ADAD1: variants seen among roughly 807,000 people sequenced by gnomAD.
The protein encoded by ADAD1 is adenosine deaminase domain-containing protein 1.
ADAD1 carries 46 observed loss-of-function variants against 66.8 expected under a neutral mutation model. That is an observed-to-expected ratio of 0.69 (90% CI 0.54 to 0.88). The LOEUF is 0.88. ADAD1 is among the 40% of genes least tolerant of loss of function. The pLI, the probability that ADAD1 is intolerant of heterozygous loss-of-function variation, is 0.00. For synonymous variants in ADAD1, 248 were observed against 229.4 expected (o/e 1.08, Z -0.73); for missense variants, 617 against 681.8 (o/e 0.91, Z 1.06).
In ADAD1 at chr4:122,429,761, T is replaced by A. The variant is rs1005302407; in HGVS notation, c.*22T>A. 4.7e-6 allele frequency: 7 copies of A among 1,503,050 alleles called. No homozygotes were observed. Among genetic ancestry groups the A allele is most frequent in the Non-Finnish European group, 4.6e-6 (5 of 1,089,454 alleles). The allele number at this position is 1,503,050 out of a possible 1,614,324, so 93.1% of individuals were successfully genotyped here. On this transcript the variant is annotated 3_prime_UTR_variant, in exon 13 of 13. Transcript: ENST00000296513. ...GTGAAATAGGCAATCCATTATCACA[T>A]TAAAAATCTTGTTTTGTTTGGTGTG...
Position 122,415,554 on chromosome 4 carries a change from T to C in ADAD1, c.1425T>C (p.Asn475=), listed in dbSNP as rs1796692515. Reference sequence around the variant, plus strand: ...TGGAATATAAATTTCTGAGTCTGAATTGGGCACAAGGAGATGTTTCTTTGG... The same window carrying C: ...TGGAATATAAATTTCTGAGTCTGAACTGGGCACAAGGAGATGTTTCTTTGG... ...MNLEYKFLSL[N]WAQGDVSLEI... is the part of the protein sequence containing the mutation. The change falls in exon 11 of 13, where the codon AAT becomes AAC. Residue 475 remains asparagine (N), a synonymous_variant. Transcript: ENST00000296513. 4 of 1,613,816 alleles carry C rather than the reference T, an allele frequency of 2.5e-6. No homozygotes were observed. Among genetic ancestry groups the C allele is most frequent in the Admixed American group, 1.7e-5 (1 of 59,996 alleles).
chr4:122,415,904 AC>A (rs1350396325), intron 11 of ADAD1, among the ~76,000 whole-genome samples: 1 of 152,136 alleles, frequency 6.6e-6, no homozygotes, highest in Non-Finnish European at 1.5e-5. Context: ...TGGCTCCATA[AC>A]GTATGTTTCT....
At chr4:122,394,135 A>G (rs1300975366) in intron 6 of ADAD1, among the ~76,000 whole-genome samples, 1 of 152,190 alleles carries the variant, frequency 6.6e-6, no homozygotes, top group Non-Finnish European at 1.5e-5. Flanking sequence ...CATCTATGAG[A>G]TAGTCATTAC....
chr4:122,413,431 A>T (rs1286871850), intron 10 of ADAD1, among the ~76,000 whole-genome samples: 1 of 152,166 alleles, frequency 6.6e-6, no homozygotes, highest in East Asian at 1.9e-4. Context: ...AGTAATCTGG[A>T]AAAAAATTCT....
At chr4:122,380,333 G>C in intron 3 of ADAD1, 92 bp downstream of exon 3, 2 of 1,451,538 alleles carry the variant, frequency 1.4e-6, no homozygotes, top group Non-Finnish European at 1.9e-6. Flanking sequence ...TAAAGGTTTC[G>C]TGGTTGTATA....
Position 122,412,659 on chromosome 4 carries a change from T to C in ADAD1, c.1099T>C (p.Tyr367His). ...CLHVAVEGKIYLTVYCPKDGV... is the reference protein window; with the variant it reads ...CLHVAVEGKIHLTVYCPKDGV... ...CCACGTGGCTGTTGAAGGCAAAATT[T>C]ATCTGACTGTTTACTGTCCTAAAGA... is the stretch of plus-strand genomic sequence containing the variant. Residue 367 changes from tyrosine to histidine, a missense_variant, in exon 10 of 13, where the codon TAT (tyrosine) becomes CAT (histidine). Physicochemically the swap from Tyr to His is moderately conservative, Grantham distance 83 (BLOSUM62 2). Coordinates refer to ENST00000296513, the MANE Select transcript of ADAD1 (RefSeq NM_139243.4). 6.2e-7 allele frequency: 1 copy of C among 1,613,940 alleles called. No individual in the cohort carries two copies. Among genetic ancestry groups the C allele is most frequent in the Non-Finnish European group, 8.5e-7 (1 of 1,179,816 alleles).
At chr4:122,393,054 T>TG (rs397762591) in intron 5 of ADAD1, among the ~76,000 whole-genome samples, 2 of 133,784 alleles carry the variant, frequency 1.5e-5, no homozygotes, top group African/African-American at 2.5e-5. Context: ...TTTTTTTTTT[T>TG]GTCCCTCAGG....
At chr4:122,396,117 G>T (rs2150554037) in intron 6 of ADAD1, 135 bp from the exon 7 acceptor site, 1 of 672,688 alleles carries the variant, frequency 1.5e-6, no homozygotes. Context: ...TCTCAGTCAT[G>T]ACCTAAATTA....
chr4:122,423,542 G>A (rs899015357), intron 12 of ADAD1, among the ~76,000 whole-genome samples: 1 of 152,144 alleles, frequency 6.6e-6, no homozygotes, highest in Non-Finnish European at 1.5e-5. Context: ...GTTTTACAAA[G>A]GCTTAATGTG....
In ADAD1 at chr4:122,415,467, T is replaced by G; in HGVS notation, c.1338T>G (p.Phe446Leu). Residue 446 changes from phenylalanine to leucine, a missense_variant, in exon 11 of 13, where the codon TTT becomes TTG. Physicochemically the swap from Phe to Leu is conservative, Grantham distance 22 (BLOSUM62 0). Coordinates refer to ENST00000296513, the MANE Select transcript of ADAD1 (RefSeq NM_139243.4). ...DDALTSKLPMFYLVNRPHISL... is the reference protein window; with the variant it reads ...DDALTSKLPMLYLVNRPHISL... ...CACTCACTTCAAAACTTCCAATGTT[T>G]TACTTAGTCAACAGACCTCATATTA... 3 of 1,613,966 alleles carry G rather than the reference T, an allele frequency of 1.9e-6. No individual in the cohort carries two copies. The highest frequency in any genetic ancestry group is 2.5e-6 in the Non-Finnish European group (3 of 1,179,870).
In ADAD1 at chr4:122,422,580, G is replaced by T. The variant is rs1374809450; in HGVS notation, c.1617+1190G>T. Among the ~76,000 whole-genome samples the T allele has an allele frequency of 2.0e-5, 3 of 152,154 alleles. No homozygotes were observed. In the East Asian group the frequency reaches 5.8e-4, roughly 29 times the overall value. On this transcript the variant is annotated intron_variant, in intron 12 of 12. Transcript: ENST00000296513. The stretch of plus-strand genomic sequence containing the variant: ...AACCTGTATAATTACAGCCTGTAAA[G>T]CCGTTACATTAATTACAGGTGTATG...
chr4:122,418,244 T>C (rs1214151473), intron 11 of ADAD1, among the ~76,000 whole-genome samples: 1 of 151,760 alleles, frequency 6.6e-6, no homozygotes, highest in African/African-American at 2.4e-5. Flanking sequence ...TGGATAAATT[T>C]CTAGGAAAAC....
rs191056332 is a variant in ADAD1, at chr4:122,402,686, T to C, written c.725-5222T>C. On this transcript the variant is annotated intron_variant, in intron 7 of 12. Coordinates refer to ENST00000296513, the MANE Select transcript of ADAD1 (RefSeq NM_139243.4). Reference sequence around the variant, plus strand: ...CCAAATTTCTTGGAGGCTTTGTTCATTTTTTTATATTCTGTTTTCTTTGTC... The same window carrying C: ...CCAAATTTCTTGGAGGCTTTGTTCACTTTTTTATATTCTGTTTTCTTTGTC... Among the ~76,000 whole-genome samples, 726 of 152,140 alleles carry C rather than the reference T, an allele frequency of 4.8e-3. 4 individuals are homozygous for C. Among genetic ancestry groups the C allele is most frequent in the Non-Finnish European group, 7.4e-3 (502 of 67,998 alleles).
chr4:122,414,358 A>G (rs925915134), intron 10 of ADAD1, among the ~76,000 whole-genome samples: 1 of 149,008 alleles, frequency 6.7e-6, no homozygotes, highest in Non-Finnish European at 1.5e-5. Flanking sequence ...CTTATTATCT[A>G]CTGTTCATTG....
Position 122,383,790 on chromosome 4 carries a change from T to C in ADAD1, c.362-9T>C, listed in dbSNP as rs756642898. On this transcript the variant is annotated splice_polypyrimidine_tract_variant and intron_variant, in intron 4 of 12. Transcript: ENST00000296513. ...TTATTGTAGCATTCATTCTGAGTTCTTTTTCAAGGTAATGTTATGGGACCA... is the reference window on the plus strand; with the variant it reads ...TTATTGTAGCATTCATTCTGAGTTCCTTTTCAAGGTAATGTTATGGGACCA... The C allele has an allele frequency of 3.2e-6, 5 of 1,578,616 alleles. No individual in the cohort carries two copies. Among genetic ancestry groups the C allele is most frequent in the Non-Finnish European group, 4.3e-6 (5 of 1,167,264 alleles).
At chr4:122,385,889 C>T (rs996552304) in intron 5 of ADAD1, among the ~76,000 whole-genome samples, 4 of 152,056 alleles carry the variant, frequency 2.6e-5, no homozygotes, top group Non-Finnish European at 4.4e-5. Context: ...TTTTTATGGC[C>T]GCATAGTATT....
intron 7 of ADAD1, among the ~76,000 whole-genome samples, chr4:122,397,590 C>T (rs971870386): frequency 1.3e-5 from 2 of 151,976 alleles, no homozygotes; most frequent in African/African-American, 4.8e-5. Context: ...TAAAAGATTG[C>T]AGGGGTTGAA....
chr4:122,391,375 C>T (rs1795429530), intron 5 of ADAD1, among the ~76,000 whole-genome samples: 1 of 152,216 alleles, frequency 6.6e-6, no homozygotes, highest in Admixed American at 6.5e-5. Context: ...CTTAACAAGG[C>T]ACTTTGTCCT....
At chr4:122,388,121 T>A (rs1209694488) in intron 5 of ADAD1, among the ~76,000 whole-genome samples, 1 of 152,220 alleles carries the variant, frequency 6.6e-6, no homozygotes, top group Admixed American at 6.5e-5. Context: ...TATATTAAGA[T>A]AGTCATGTGG....
Sources: gnomAD v4.1 joint callset for allele counts (sites outside exome capture counted in the v4.1 genomes callset) on GRCh38, gnomAD v4.1.1 for gene constraint, MANE v1.5 for transcripts, NCBI Gene and HGNC (gene_info 2026-07-23, HGNC 2026-07-21) for gene names.